The following SANBR variants were observed in gnomAD, a reference collection of about 807,000 sequenced individuals.
The protein encoded by SANBR is SANT and BTB domain regulator of class switch recombination.
In SANBR, 77 loss-of-function variants were observed where a neutral mutation model predicts 101.8. That is an observed-to-expected ratio of 0.76 (90% CI 0.63 to 0.91). The LOEUF (loss-of-function observed/expected upper bound fraction) is 0.91, where lower values mean the gene tolerates loss of function less well. Among genes scored for constraint, SANBR ranks in the 40% least tolerant of loss-of-function variants. SANBR has a pLI of 0.00. For missense variants in SANBR, 875 were observed against 853.0 expected (o/e 1.03, Z -0.32); for synonymous variants, 279 against 274.7 (o/e 1.02, Z -0.15).
At position 61,108,397 on chromosome 2, in the gene SANBR, A is replaced by G; in HGVS notation, c.1644+48A>G. The G allele has an allele frequency of 2.3e-6, 3 of 1,290,458 alleles. No homozygotes were observed. The East Asian group carries it at 7.5e-5, about 32-fold the overall frequency. 79.9% of individuals were successfully genotyped at this position (1,290,458 alleles called of 1,614,324 possible). A position where few individuals can be genotyped will look rare whatever the true frequency, so the allele number is the denominator to read the frequency against. On this transcript the variant is annotated intron_variant, in intron 15 of 21. Coordinates refer to ENST00000402291, the MANE Select transcript of SANBR (RefSeq NM_001129993.3). The stretch of plus-strand genomic sequence containing the variant: ...CATTCATGGATCTCTTTCTTCCTAA[A>G]TTAAAGTTTAGTTTAATAGAATCTT...
chr2:61,096,522 C>T (rs982706818), intron 11 of SANBR, among the ~76,000 whole-genome samples: 1 of 152,204 alleles, frequency 6.6e-6, no homozygotes, highest in African/African-American at 2.4e-5. Context: ...TTCCCCATCG[C>T]AAGCAGCACC....
chr2:61,095,081 C>T (rs985967663), intron 11 of SANBR, among the ~76,000 whole-genome samples: 2 of 152,150 alleles, frequency 1.3e-5, no homozygotes, highest in African/African-American at 4.8e-5. Context: ...CTAGTTGCCC[C>T]CCATCTCAGT....
intron 13 of SANBR, among the ~76,000 whole-genome samples, chr2:61,105,422 G>C (rs1279698177): frequency 2.7e-5 from 4 of 150,914 alleles, no homozygotes; most frequent in African/African-American, 9.7e-5. Flanking sequence ...GCTGGAGTGC[G>C]GTGGCACAAT....
At chr2:61,125,442 T>G (rs1462104254), downstream of SANBR, among the ~76,000 whole-genome samples, 1 of 152,214 alleles carries the variant, frequency 6.6e-6, no homozygotes. Context: ...ATCAAATGTC[T>G]TATTTAGGCA....
At chr2:61,097,506 A>G (rs1683085151) in intron 11 of SANBR, among the ~76,000 whole-genome samples, 194 bp from the exon 12 acceptor site, 1 of 152,098 alleles carries the variant, frequency 6.6e-6, no homozygotes, top group Non-Finnish European at 1.5e-5. Context: ...AAGATCCCTC[A>G]TGCCCATTTG....
At chr2:61,111,870 G>A (rs1208535176) in intron 16 of SANBR, among the ~76,000 whole-genome samples, 2 of 152,174 alleles carry the variant, frequency 1.3e-5, no homozygotes, top group Non-Finnish European at 2.9e-5. Context: ...ATTATTGCAT[G>A]TGTCAGTAGT....
chr2:61,087,034 A>G (rs529018647), intron 8 of SANBR, among the ~76,000 whole-genome samples: 1 of 152,212 alleles, frequency 6.6e-6, no homozygotes, highest in Non-Finnish European at 1.5e-5. Flanking sequence ...TATATTATGC[A>G]TAATAATTAA....
intron 12 of SANBR, among the ~76,000 whole-genome samples, chr2:61,102,456 G>T (rs1434429419): frequency 6.6e-6 from 1 of 150,720 alleles, no homozygotes; most frequent in African/African-American, 2.4e-5. Flanking sequence ...GAAAAGGACA[G>T]CCTCATTTGT....
At position 61,101,345 on chromosome 2, in the gene SANBR, C is replaced by T. The variant is rs189952691; in HGVS notation, c.1366-2508C>T. On this transcript the variant is annotated intron_variant, in intron 12 of 21. Transcript: ENST00000402291. The stretch of plus-strand genomic sequence containing the variant: ...CATTAATTTCTACATTAATTTGTAA[C>T]CACAAATTTACATTTGTGGTTAGTT... Among the ~76,000 whole-genome samples, 245 of 152,278 alleles carry T rather than the reference C, an allele frequency of 1.6e-3. 1 individual carries two copies. The highest frequency in any genetic ancestry group is 3.4e-3 in the Middle Eastern group (1 of 294).
chr2:61,129,214 C>A (rs146538298), downstream of SANBR, among the ~76,000 whole-genome samples: 258 of 152,214 alleles, frequency 1.7e-3, 2 homozygotes, highest in East Asian at 0.034. Context: ...GAAGCCAAGG[C>A]AGGTGGGTCA....
chr2:61,069,223 C>T (rs1681332505), intron 2 of SANBR, among the ~76,000 whole-genome samples: 1 of 152,204 alleles, frequency 6.6e-6, no homozygotes, highest in Non-Finnish European at 1.5e-5. Flanking sequence ...ACATAACCCT[C>T]AGCACAATCT....
chr2:61,082,888 T>C (rs1170108532), intron 7 of SANBR, among the ~76,000 whole-genome samples: 2 of 152,176 alleles, frequency 1.3e-5, no homozygotes, highest in Non-Finnish European at 2.9e-5. Context: ...CCTGCCACAA[T>C]TTTAAAAGAT....
At chr2:61,103,740 G>A (rs1362481961) in intron 12 of SANBR, 113 bp from the exon 13 acceptor site, 1 of 968,104 alleles carries the variant, frequency 1.0e-6, no homozygotes, top group Non-Finnish European at 1.5e-6. Flanking sequence ...TTGAGAAAAA[G>A]TTATAAAATA....
intron 13 of SANBR, among the ~76,000 whole-genome samples, 198 bp downstream of exon 13, chr2:61,104,196 G>A (rs984224632): frequency 1.3e-5 from 2 of 152,124 alleles, no homozygotes; most frequent in African/African-American, 4.8e-5. Flanking sequence ...AAAAATACTG[G>A]AGGTGGCTGG....
intron 10 of SANBR, among the ~76,000 whole-genome samples, chr2:61,091,985 G>C (rs1456655439): frequency 2.0e-5 from 3 of 152,094 alleles, no homozygotes; most frequent in Non-Finnish European, 2.9e-5. Flanking sequence ...GTGATATAAA[G>C]TACTAATACA....
chr2:61,120,720 G>A (rs923730047), intron 20 of SANBR, among the ~76,000 whole-genome samples: 4 of 152,172 alleles, frequency 2.6e-5, no homozygotes, highest in African/African-American at 7.2e-5. Flanking sequence ...GTGAGATGCT[G>A]TCTCCAAAAA....
chr2:61,081,841 G>A (rs1682150627), intron 7 of SANBR, among the ~76,000 whole-genome samples: 1 of 152,088 alleles, frequency 6.6e-6, no homozygotes, highest in South Asian at 2.1e-4. Context: ...TAGAGACGGG[G>A]TTTTGCTTTG....
In SANBR at chr2:61,123,318, CA is replaced by C; in HGVS notation, c.*1160del. The C allele has an allele frequency of 1.0e-6, 1 of 979,706 alleles. No homozygotes were observed. The highest frequency in any genetic ancestry group is 1.2e-6 in the Non-Finnish European group (1 of 824,774). The allele number at this position is 979,706 out of a possible 1,614,324, so 60.7% of individuals were successfully genotyped here. A position where few individuals can be genotyped will look rare whatever the true frequency, so the allele number is the denominator to read the frequency against. On this transcript the variant is annotated 3_prime_UTR_variant, in exon 22 of 22. Transcript: ENST00000402291. ...GAGAACAGACTTTAATAATGTGTGA[CA>C]AAAGAGCAATTTCCATTGAAATATT... is the stretch of plus-strand genomic sequence containing the variant.
intron 21 of SANBR, chr2:61,137,378 G>GTA (rs1209901372): frequency 6.6e-6 from 1 of 152,126 alleles, no homozygotes; most frequent in Non-Finnish European, 1.5e-5. Context: ...GTAAATTAAG[G>GTA]TATAGAGTAC....
Sources: allele counts gnomAD v4.1 joint callset (sites outside exome capture counted in the v4.1 genomes callset), GRCh38; gene constraint gnomAD v4.1.1; transcripts MANE v1.5; gene names NCBI Gene and HGNC (gene_info 2026-07-23, HGNC 2026-07-21).